Variants in ELAVL4 observed in about 807,000 individuals in gnomAD.
ELAVL4 encodes ELAV-like protein 4.
In ELAVL4, 1 loss-of-function variant was observed where a neutral mutation model predicts 35.6. The observed-to-expected ratio is 0.03, with a 90% CI of 0.01 to 0.13. The LOEUF (loss-of-function observed/expected upper bound fraction) is 0.13. ELAVL4 is among the 10% of genes least tolerant of loss of function. ELAVL4 has a pLI of 1.00. For missense variants in ELAVL4, 267 were observed against 464.9 expected (o/e 0.57, Z 3.91); for synonymous variants, 156 against 171.0 (o/e 0.91, Z 0.69).
Position 50,145,206 on chromosome 1 carries a change from A to C in ELAVL4, c.250+9A>C. The C allele has an allele frequency of 6.2e-7, 1 of 1,613,736 alleles. No individual in the cohort carries two copies. The highest frequency in any genetic ancestry group is 8.5e-7 in the Non-Finnish European group (1 of 1,179,742). ...GAGAGACAAAATTACAGGTATGCAC[A>C]GGATTTGAAGCTATGTTGTTCCATT... On this transcript the variant is annotated intron_variant, in intron 2 of 6. Coordinates refer to ENST00000371824, the MANE Select transcript of ELAVL4 (RefSeq NM_001144774.3).
In ELAVL4 at chr1:50,133,647, GAAAGAGAA is replaced by G. The variant is rs1330305275; in HGVS notation, c.10-11308_10-11301del. Among the ~76,000 whole-genome samples the G allele has an allele frequency of 5.8e-4, 86 of 148,456 alleles. 1 individual carries two copies. Among genetic ancestry groups the G allele is most frequent in the African/African-American group, 1.4e-3 (56 of 39,448 alleles). The stretch of plus-strand genomic sequence containing the variant: ...AGAAAGAAAGAAAGAAAGAAAGAAA[GAAAGAGAA>G]AGAAAGAAAGAAAGAAAGAAGCAGT... On this transcript the variant is annotated intron_variant, in intron 1 of 6. Coordinates refer to ENST00000371824, the MANE Select transcript of ELAVL4 (RefSeq NM_001144774.3).
intron 1 of ELAVL4, among the ~76,000 whole-genome samples, chr1:50,085,847 C>T (rs1156360198): frequency 6.6e-6 from 1 of 152,214 alleles, no homozygotes; most frequent in Non-Finnish European, 1.5e-5. Flanking sequence ...CTGCAAGCCT[C>T]CTTCTTAGGG....
chr1:50,099,495 G>C (rs963121559), upstream of ELAVL4, among the ~76,000 whole-genome samples: 3 of 149,914 alleles, frequency 2.0e-5, no homozygotes, highest in African/African-American at 7.4e-5. Flanking sequence ...GGAAGGCAGA[G>C]GTTGCAGTGA....
At chr1:50,111,518 A>G (rs1667074417) in intron 1 of ELAVL4, among the ~76,000 whole-genome samples, 1 of 152,096 alleles carries the variant, frequency 6.6e-6, no homozygotes, top group Non-Finnish European at 1.5e-5. Flanking sequence ...TGTTGATACT[A>G]TAGTTTCAGG....
upstream of ELAVL4, chr1:50,106,009 T>TC: frequency 3.1e-6 from 1 of 318,428 alleles, no homozygotes; most frequent in Non-Finnish European, 5.7e-6. Context: ...TTCTTTTTTT[T>TC]CCCTATATTT....
chr1:50,197,543 C>T, intron 6 of ELAVL4, 76 bp downstream of exon 6: 1 of 1,293,138 alleles, frequency 7.7e-7, no homozygotes, highest in Non-Finnish European at 1.0e-6. Flanking sequence ...TTTTAATTCA[C>T]TAACTTTACT....
chr1:50,056,828 A>G (rs958102043), intron 1 of ELAVL4, among the ~76,000 whole-genome samples: 1 of 151,738 alleles, frequency 6.6e-6, no homozygotes, highest in Non-Finnish European at 1.5e-5. Flanking sequence ...GCTACTCAGG[A>G]GGCTGAGGCA....
At chr1:50,193,068 A>G (rs561133316) in intron 3 of ELAVL4, among the ~76,000 whole-genome samples, 73 of 151,806 alleles carry the variant, frequency 4.8e-4, no homozygotes, top group African/African-American at 1.6e-3. Context: ...TCTTGCCCCC[A>G]TTTTATTTGT....
In ELAVL4 at chr1:50,089,659, G is replaced by A. The variant is rs145062251; in HGVS notation, c.18+41477G>A. Among the ~76,000 whole-genome samples the A allele has an allele frequency of 6.6e-3, 1,000 of 152,320 alleles. 6 individuals carry two copies. Among genetic ancestry groups the A allele is most frequent in the Middle Eastern group, 0.031 (9 of 294 alleles). On this transcript the variant is annotated intron_variant, in intron 1 of 6. Coordinates refer to the ELAVL4 transcript ENST00000448907. The stretch of plus-strand genomic sequence containing the variant: ...GGTCCTGGCTACTCAGGAGGCTGAG[G>A]TGGGAGGATCACCTGAGTCCAGGAG...
chr1:50,083,612 T>C (rs1665105656), intron 1 of ELAVL4, among the ~76,000 whole-genome samples: 1 of 152,196 alleles, frequency 6.6e-6, no homozygotes, highest in African/African-American at 2.4e-5. Flanking sequence ...GTTAGTTTTG[T>C]TGTCATTAAA....
At chr1:50,175,900 A>G (rs1324580341) in intron 2 of ELAVL4, 2 of 152,114 alleles carry the variant, frequency 1.3e-5, no homozygotes, top group Non-Finnish European at 1.5e-5. Context: ...GCTTTATGTA[A>G]TCAGTCTTTG....
chr1:50,079,898 ATTC>A (rs1159174276), intron 1 of ELAVL4, among the ~76,000 whole-genome samples: 1 of 152,072 alleles, frequency 6.6e-6, no homozygotes, highest in Non-Finnish European at 1.5e-5. Flanking sequence ...CCCTTGTTTT[ATTC>A]TTCTCACTTC....
intron 1 of ELAVL4, among the ~76,000 whole-genome samples, chr1:50,090,337 T>C (rs1238032552): frequency 2.0e-5 from 3 of 152,226 alleles, no homozygotes; most frequent in Non-Finnish European, 4.4e-5. Context: ...TTTTTCACTT[T>C]TCAGAAGCCA....
intron 2 of ELAVL4, among the ~76,000 whole-genome samples, chr1:50,167,541 G>A (rs1419306408): frequency 3.3e-5 from 5 of 152,150 alleles, no homozygotes; most frequent in Non-Finnish European, 4.4e-5. Flanking sequence ...ATCACCCCGA[G>A]GAATGGTGTC....
At chr1:50,159,937 A>G (rs943857816) in intron 2 of ELAVL4, among the ~76,000 whole-genome samples, 2 of 152,174 alleles carry the variant, frequency 1.3e-5, no homozygotes, top group African/African-American at 2.4e-5. Context: ...TACTCCCAGG[A>G]GGAACAGAAA....
Position 50,201,367 on chromosome 1 carries a change from AT to A in ELAVL4, c.*193del. 2.1e-6 allele frequency: 1 copy of A among 472,470 alleles called. No homozygotes were observed. The highest frequency in any genetic ancestry group is 8.6e-5 in the South Asian group (1 of 11,574). 29.3% of individuals were successfully genotyped at this position (472,470 alleles called of 1,614,324 possible). ...TTATCCTGAGGTGTACCAGGAAAGGATTTTATAATGCTTAGAAAAAAAGAAA... is the reference window on the plus strand; with the variant it reads ...TTATCCTGAGGTGTACCAGGAAAGGATTTATAATGCTTAGAAAAAAAGAAA... On this transcript the variant is annotated 3_prime_UTR_variant, in exon 7 of 7. Coordinates refer to ENST00000371824, the MANE Select transcript of ELAVL4 (RefSeq NM_001144774.3). The surrounding 1 kb of genome is among the most constrained non-coding windows in gnomAD (Gnocchi z 4.3).
chr1:50,177,765 A>G (rs1467377691), intron 3 of ELAVL4, among the ~76,000 whole-genome samples: 4 of 152,168 alleles, frequency 2.6e-5, no homozygotes, highest in Non-Finnish European at 4.4e-5. Flanking sequence ...AAATAAACGC[A>G]CCAGTGTAAT....
intron 1 of ELAVL4, among the ~76,000 whole-genome samples, chr1:50,129,694 G>A (rs1412517210): frequency 1.3e-5 from 2 of 152,102 alleles, no homozygotes; most frequent in African/African-American, 2.4e-5. Context: ...AAGATGAATA[G>A]CTATTGGCAT....
At chr1:50,106,810 G>A (rs1666363091), upstream of ELAVL4, among the ~76,000 whole-genome samples, 1 of 152,102 alleles carries the variant, frequency 6.6e-6, no homozygotes, top group Non-Finnish European at 1.5e-5. Flanking sequence ...TGAATTTTTA[G>A]CCTAGCAAAA....
Sources: gnomAD v4.1 joint callset for allele counts (sites outside exome capture counted in the v4.1 genomes callset) on GRCh38, gnomAD v4.1.1 for gene constraint, Gnocchi (gnomAD v3.1) non-coding constraint, MANE v1.5 for transcripts, NCBI Gene and HGNC (gene_info 2026-07-23, HGNC 2026-07-21) for gene names.